SH3RF3: variants seen among roughly 807,000 people sequenced by gnomAD.
SH3RF3 encodes E3 ubiquitin-protein ligase SH3RF3.
A neutral mutation model predicts 66.3 loss-of-function variants in SH3RF3; 29 were observed. That is an observed-to-expected ratio of 0.44 (90% CI 0.33 to 0.60). The LOEUF is 0.60. Among genes scored for constraint, SH3RF3 ranks in the 20% least tolerant of loss-of-function variants. The probability of loss-of-function intolerance (pLI) is 0.04; values close to 1 mark genes in which losing one functional copy is unlikely to be tolerated. For synonymous variants in SH3RF3, 583 were observed against 532.0 expected (o/e 1.10, Z -1.32); for missense variants, 1,194 against 1,190.9 (o/e 1.00, Z -0.04).
At chr2:109,402,057 G>C (rs1005933494) in intron 4 of SH3RF3, among the ~76,000 whole-genome samples, 1 of 152,168 alleles carries the variant, frequency 6.6e-6, no homozygotes, top group Non-Finnish European at 1.5e-5. Context: ...TGATTTAATC[G>C]AGCTGCCGGG....
chr2:109,236,028 A>G (rs1558973445), intron 1 of SH3RF3, among the ~76,000 whole-genome samples: 1 of 152,080 alleles, frequency 6.6e-6, no homozygotes, highest in Non-Finnish European at 1.5e-5. Context: ...TATAATATGC[A>G]TGCTCACTGC....
At chr2:109,333,082 C>A (rs894615883) in intron 1 of SH3RF3, among the ~76,000 whole-genome samples, 3 of 152,228 alleles carry the variant, frequency 2.0e-5, no homozygotes, top group Non-Finnish European at 2.9e-5. Context: ...CCCTGCAGCT[C>A]CAGTGCTGCC....
intron 1 of SH3RF3, among the ~76,000 whole-genome samples, chr2:109,229,115 C>T (rs1679440014): frequency 6.6e-6 from 1 of 152,104 alleles, no homozygotes; most frequent in Non-Finnish European, 1.5e-5. Flanking sequence ...ACAAAAGATA[C>T]TCCTAGCCCC....
At chr2:109,394,296 A>G (rs1435883572) in intron 3 of SH3RF3, among the ~76,000 whole-genome samples, 1 of 152,240 alleles carries the variant, frequency 6.6e-6, no homozygotes, top group Admixed American at 6.5e-5. Flanking sequence ...CACAGAGACC[A>G]TAGGGTGGTA....
At chr2:109,152,444 G>A (rs911962528) in intron 1 of SH3RF3, among the ~76,000 whole-genome samples, 3 of 152,238 alleles carry the variant, frequency 2.0e-5, no homozygotes, top group Admixed American at 6.5e-5. Context: ...GAGAACGAGA[G>A]CATAATAGCC....
intron 1 of SH3RF3, among the ~76,000 whole-genome samples, chr2:109,241,710 C>A (rs532881447): frequency 3.1e-4 from 47 of 152,146 alleles, no homozygotes; most frequent in African/African-American, 9.9e-4. Flanking sequence ...TCTTCTCTGG[C>A]TTCTGTATCT....
chr2:109,197,877 G>A (rs1678545504), intron 1 of SH3RF3, among the ~76,000 whole-genome samples: 1 of 152,226 alleles, frequency 6.6e-6, no homozygotes, highest in South Asian at 2.1e-4. Context: ...TTGCACAGAA[G>A]ACTGCACTTG....
At chr2:109,225,405 G>A (rs1320491275) in intron 1 of SH3RF3, among the ~76,000 whole-genome samples, 1 of 152,012 alleles carries the variant, frequency 6.6e-6, no homozygotes, top group African/African-American at 2.4e-5. Context: ...CCCGAAATCT[G>A]CACGTTAACA....
intron 5 of SH3RF3, among the ~76,000 whole-genome samples, chr2:109,426,550 G>A (rs1473676781): frequency 2.6e-5 from 4 of 152,234 alleles, no homozygotes; most frequent in African/African-American, 9.6e-5. Flanking sequence ...ATGAGGAGTT[G>A]CTCCTTCTAG....
chr2:109,154,470 G>A (rs368590581), intron 1 of SH3RF3, among the ~76,000 whole-genome samples: 1 of 152,222 alleles, frequency 6.6e-6, no homozygotes, highest in East Asian at 1.9e-4. Context: ...GGGACCACCA[G>A]CCTTTTTGAG....
chr2:109,224,208 G>A (rs1264024020), intron 1 of SH3RF3, among the ~76,000 whole-genome samples: 2 of 152,180 alleles, frequency 1.3e-5, no homozygotes, highest in Non-Finnish European at 2.9e-5. Context: ...GGCATTGGGA[G>A]TTTAAACTTG....
intron 1 of SH3RF3, among the ~76,000 whole-genome samples, chr2:109,140,616 C>G (rs1676924712): frequency 6.6e-6 from 1 of 152,158 alleles, no homozygotes. Flanking sequence ...CTCCTGACCT[C>G]ATGATCCACC....
chr2:109,204,562 G>C (rs1003092184), intron 1 of SH3RF3, among the ~76,000 whole-genome samples: 14 of 152,160 alleles, frequency 9.2e-5, no homozygotes, highest in Non-Finnish European at 1.9e-4. Context: ...ACATAAATGG[G>C]TGTGTTCAGC....
intron 1 of SH3RF3, among the ~76,000 whole-genome samples, chr2:109,223,052 A>C (rs1435293308): frequency 6.6e-6 from 1 of 152,222 alleles, no homozygotes; most frequent in African/African-American, 2.4e-5. Flanking sequence ...GTGTGATCCC[A>C]CCTCTTGGCA....
intron 5 of SH3RF3, among the ~76,000 whole-genome samples, chr2:109,428,095 G>A (rs113919064): frequency 6.6e-6 from 1 of 152,212 alleles, no homozygotes; most frequent in African/African-American, 2.4e-5. Context: ...CTGCAGAGTG[G>A]GTGCTGCACC....
chr2:109,419,260 C>T (rs564947251), intron 4 of SH3RF3, among the ~76,000 whole-genome samples: 9 of 152,300 alleles, frequency 5.9e-5, no homozygotes, highest in South Asian at 4.1e-4. Flanking sequence ...GTCTGGAACA[C>T]GGCCTGACTA....
Position 109,421,245 on chromosome 2 carries a change from G to A in SH3RF3, c.1403+1603G>A, listed in dbSNP as rs557943569. ...AAATGAGAGGCAGGATGCAGGTCAGGTTGCTGAGGCCATGAGTGCTTCAAG... is the reference window on the plus strand; with the variant it reads ...AAATGAGAGGCAGGATGCAGGTCAGATTGCTGAGGCCATGAGTGCTTCAAG... On this transcript the variant is annotated intron_variant, in intron 5 of 9. Coordinates refer to ENST00000309415, the MANE Select transcript of SH3RF3 (RefSeq NM_001099289.3). Among the ~76,000 whole-genome samples the A allele has an allele frequency of 2.6e-4, 39 of 152,360 alleles. No individual in the cohort carries two copies. The South Asian group carries it at 7.7e-3, about 30-fold the overall frequency.
chr2:109,216,794 C>T (rs181443590), intron 1 of SH3RF3, among the ~76,000 whole-genome samples: 3 of 152,316 alleles, frequency 2.0e-5, no homozygotes, highest in East Asian at 3.9e-4. Context: ...ATATACATAA[C>T]ATAAAAATTT....
chr2:109,460,772 G>A (rs769109506), intron 8 of SH3RF3, among the ~76,000 whole-genome samples: 6 of 152,018 alleles, frequency 3.9e-5, no homozygotes, highest in Non-Finnish European at 4.4e-5. Context: ...CCAAATCATC[G>A]GCCACAGCCT....
Sources: allele counts gnomAD v4.1 joint callset (sites outside exome capture counted in the v4.1 genomes callset), GRCh38; gene constraint gnomAD v4.1.1; transcripts MANE v1.5; gene names NCBI Gene and HGNC (gene_info 2026-07-23, HGNC 2026-07-21).